Variants in NUDC observed in about 807,000 individuals in gnomAD.
The protein encoded by NUDC is nuclear distribution C, dynein complex regulator, also known as nuclear migration protein nudC.
In NUDC, 14 loss-of-function variants were observed where a neutral mutation model predicts 45.0. The observed-to-expected ratio is 0.31, with a 90% CI of 0.21 to 0.49. NUDC has a LOEUF of 0.49. Ranked by LOEUF, NUDC falls within the 20% of genes least tolerant of loss-of-function variation. The pLI, the probability that NUDC is intolerant of heterozygous loss-of-function variation, is 0.99. For synonymous variants in NUDC, 153 were observed against 156.7 expected (o/e 0.98, Z 0.17); for missense variants, 323 against 426.2 (o/e 0.76, Z 2.13).
upstream of NUDC, among the ~76,000 whole-genome samples, chr1:26,920,781 A>C (rs374660409): frequency 2.3e-5 from 3 of 132,088 alleles, no homozygotes; most frequent in East Asian, 2.0e-4. Context: ...AAAAACAAAA[A>C]AAAAAAAACA....
chr1:26,939,482 C>T (rs996545746), intron 2 of NUDC, among the ~76,000 whole-genome samples: 2 of 152,026 alleles, frequency 1.3e-5, no homozygotes, highest in Admixed American at 6.6e-5. Flanking sequence ...CAAAAATTAG[C>T]CAGGCATGGT....
At chr1:26,902,089 C>T (rs2124043014) in intron 1 of NUDC, among the ~76,000 whole-genome samples, 1 of 152,290 alleles carries the variant, frequency 6.6e-6, no homozygotes, top group South Asian at 2.1e-4. Flanking sequence ...TGTTCTGGAA[C>T]ACAGCATATT....
At position 26,946,524 on chromosome 1, in the gene NUDC, T is replaced by C; in HGVS notation, c.*343T>C. On this transcript the variant is annotated 3_prime_UTR_variant, in exon 9 of 9. Transcript: ENST00000321265. Reference sequence around the variant, plus strand: ...GTGACCTAGGGCACATCCTTGCCCCTCTCTGGGCCTCAGTTTCTCATTACT... The same window carrying C: ...GTGACCTAGGGCACATCCTTGCCCCCCTCTGGGCCTCAGTTTCTCATTACT... The C allele has an allele frequency of 2.7e-6, 1 of 369,094 alleles. No individual in the cohort carries two copies. Among genetic ancestry groups the C allele is most frequent in the East Asian group, 6.4e-5 (1 of 15,536 alleles). 22.9% of individuals were successfully genotyped at this position (369,094 alleles called of 1,614,324 possible).
At chr1:26,939,917 G>A (rs1039212953) in intron 2 of NUDC, among the ~76,000 whole-genome samples, 1 of 152,192 alleles carries the variant, frequency 6.6e-6, no homozygotes, top group Non-Finnish European at 1.5e-5. Flanking sequence ...TGACGGATAA[G>A]GAAACAGGCT....
At chr1:26,900,584 A>C in intron 1 of NUDC, 1 of 687,554 alleles carries the variant, frequency 1.5e-6, no homozygotes, top group Non-Finnish European at 2.4e-6. Context: ...GGAAGATCCG[A>C]AGTCTTCTGT....
At chr1:26,905,255 G>A (rs2081998475) in intron 2 of NUDC, among the ~76,000 whole-genome samples, 1 of 148,386 alleles carries the variant, frequency 6.7e-6, no homozygotes, top group African/African-American at 2.5e-5. Context: ...CCGCCTCCTG[G>A]GTTCAGGCGA....
At chr1:26,913,942 G>A in intron 3 of NUDC, 2 of 1,470,130 alleles carry the variant, frequency 1.4e-6, no homozygotes, top group Non-Finnish European at 1.8e-6. Flanking sequence ...GGTGCTCATG[G>A]TTAGGGATCT....
chr1:26,928,305 A>C (rs1447090467), intron 2 of NUDC, among the ~76,000 whole-genome samples: 3 of 152,168 alleles, frequency 2.0e-5, no homozygotes, highest in Admixed American at 1.3e-4. Flanking sequence ...AAATACCAAT[A>C]ATAAAAATCC....
chr1:26,903,042 ACT>A lies in NUDC; in HGVS notation c.-16+679_-16+680del, dbSNP rs535196610. Among the ~76,000 whole-genome samples the A allele has an allele frequency of 2.8e-4, 42 of 149,996 alleles. No homozygotes were observed. In the East Asian group the frequency reaches 8.2e-3, roughly 29 times the overall value. On this transcript the variant is annotated intron_variant, in intron 2 of 6. Transcript: ENST00000435827. Reference sequence around the variant, plus strand: ...ACTCCATCCTGGGCAACAGAGCGAGACTCTGTCTCAAAAAAAAAAAAATTATA... The same window carrying A: ...ACTCCATCCTGGGCAACAGAGCGAGACTGTCTCAAAAAAAAAAAAATTATA...
At chr1:26,918,705 G>C (rs140534882), upstream of NUDC, among the ~76,000 whole-genome samples, 125 of 151,578 alleles carry the variant, frequency 8.2e-4, 1 homozygote, top group African/African-American at 2.9e-3. Context: ...CTCCCAAGTA[G>C]CTGGGATTAC....
chr1:26,940,337 G>A (rs769921516), intron 2 of NUDC, among the ~76,000 whole-genome samples: 2 of 152,022 alleles, frequency 1.3e-5, no homozygotes, highest in Admixed American at 6.6e-5. Context: ...TTAGCCAGGC[G>A]TGGTGGCACA....
At position 26,941,530 on chromosome 1, in the gene NUDC, A is replaced by G. The variant is rs2082276246; in HGVS notation, c.233A>G (p.Glu78Gly). ...CGGCGGGAGAAGAGAGCCCGGCAGG[A>G]GGCCGAGCGGCGGGAGAAGGCGGAG... Reference protein sequence around the residue: ...KTRREKRARQEAERREKAERA... With the variant: ...KTRREKRARQGAERREKAERA... The change falls in exon 3 of 9, where the codon GAG becomes GGG. Residue 78 changes from glutamate (E) to glycine (G), a missense_variant. Glu to Gly is a moderately conservative substitution (Grantham distance 98). Coordinates refer to ENST00000321265, the MANE Select transcript of NUDC (RefSeq NM_006600.4). 1 of 1,613,936 alleles carries G rather than the reference A, an allele frequency of 6.2e-7. No individual in the cohort carries two copies. The highest frequency in any genetic ancestry group is 8.5e-7 in the Non-Finnish European group (1 of 1,179,968).
At chr1:26,905,201 C>T (rs2081998185) in intron 2 of NUDC, among the ~76,000 whole-genome samples, 1 of 128,336 alleles carries the variant, frequency 7.8e-6, no homozygotes, top group African/African-American at 2.9e-5. Context: ...CACTCTGTTG[C>T]CTAGGCTGGA....
chr1:26,933,298 A>G (rs1301265743), intron 2 of NUDC, among the ~76,000 whole-genome samples: 2 of 151,776 alleles, frequency 1.3e-5, no homozygotes, highest in African/African-American at 2.4e-5. Flanking sequence ...CCCCTTGGTT[A>G]TTGTGCATAG....
intron 6 of NUDC, 74 bp downstream of exon 6, chr1:26,943,139 A>G: frequency 6.7e-7 from 1 of 1,485,760 alleles, no homozygotes; most frequent in South Asian, 1.1e-5. Context: ...TAGTTTACTC[A>G]GGAGCCATGC....
At chr1:26,934,307 C>G (rs987505350) in intron 2 of NUDC, among the ~76,000 whole-genome samples, 3 of 152,174 alleles carry the variant, frequency 2.0e-5, no homozygotes, top group African/African-American at 7.2e-5. Flanking sequence ...ATAAAACCAT[C>G]AGATCTTGTG....
chr1:26,926,433 G>A (rs1340062419), intron 2 of NUDC, among the ~76,000 whole-genome samples: 1 of 152,126 alleles, frequency 6.6e-6, no homozygotes. Flanking sequence ...TCTGTAAAAT[G>A]GGAGAAAGTA....
At chr1:26,942,169 G>A (rs1039965001) in intron 4 of NUDC, among the ~76,000 whole-genome samples, 4 of 152,008 alleles carry the variant, frequency 2.6e-5, no homozygotes, top group South Asian at 2.1e-4. Flanking sequence ...GTGGGCGCCC[G>A]TAATCCCAGC....
chr1:26,942,553 TC>T, intron 4 of NUDC, 106 bp from the exon 5 acceptor site: 1 of 1,544,810 alleles, frequency 6.5e-7, no homozygotes, highest in South Asian at 1.1e-5. Flanking sequence ...AGGTCTGTTT[TC>T]TTTTGTGGCT....
Sources: gnomAD v4.1 joint callset for allele counts (sites outside exome capture counted in the v4.1 genomes callset) on GRCh38, gnomAD v4.1.1 for gene constraint, MANE v1.5 for transcripts, NCBI Gene and HGNC (gene_info 2026-07-23, HGNC 2026-07-21) for gene names.